The following CDH4 variants were observed in gnomAD, a reference collection of about 807,000 sequenced individuals.
CDH4 encodes the protein cadherin-4.
In CDH4, 33 loss-of-function variants were observed where a neutral mutation model predicts 86.0. The observed-to-expected ratio is 0.38, with a 90% CI of 0.29 to 0.51. The LOEUF (loss-of-function observed/expected upper bound fraction) is 0.51. CDH4 is among the 20% of genes least tolerant of loss of function. The pLI is 0.86. For missense variants in CDH4, 1,114 were observed against 1,307.4 expected (o/e 0.85, Z 2.28); for synonymous variants, 555 against 549.4 (o/e 1.01, Z -0.14).
At position 61,501,327 on chromosome 20, in the gene CDH4, C is replaced by T. The variant is rs1354769248; in HGVS notation, c.170-242236C>T. Among the ~76,000 whole-genome samples, 1 of 152,216 alleles carries T rather than the reference C, an allele frequency of 6.6e-6. No individual in the cohort carries two copies. The highest frequency in any genetic ancestry group is 1.5e-5 in the Non-Finnish European group (1 of 68,032). ...TATTGCCTCTGGCTTCCGTGCAGAA[C>T]AGCGGTTAGAGACGGGTGGAAAGAG... On this transcript the variant is annotated intron_variant, in intron 2 of 15. Coordinates refer to ENST00000614565, the MANE Select transcript of CDH4 (RefSeq NM_001794.5). The surrounding 1 kb of genome is among the most constrained non-coding windows in gnomAD (Gnocchi z 4.2).
At chr20:61,366,581 T>C (rs574037033) in intron 2 of CDH4, among the ~76,000 whole-genome samples, 1 of 152,340 alleles carries the variant, frequency 6.6e-6, no homozygotes, top group South Asian at 2.1e-4. Flanking sequence ...TAACTAAAAG[T>C]ACCCCTTATG....
chr20:61,620,373 T>C (rs903571803), intron 2 of CDH4, among the ~76,000 whole-genome samples: 1 of 151,678 alleles, frequency 6.6e-6, no homozygotes, highest in African/African-American at 2.4e-5. Flanking sequence ...GGATGATAGA[T>C]ACATGATAGA....
chr20:61,374,322 TGGAGGAAA>T (rs2084855260), intron 2 of CDH4, among the ~76,000 whole-genome samples: 1 of 152,154 alleles, frequency 6.6e-6, no homozygotes, highest in Non-Finnish European at 1.5e-5. Context: ...AGGTGATGAC[TGGAGGAAA>T]GGTGCAGTTT....
intron 2 of CDH4, among the ~76,000 whole-genome samples, chr20:61,338,291 G>GA (rs1000010599): frequency 2.0e-5 from 3 of 150,406 alleles, no homozygotes; most frequent in Non-Finnish European, 3.0e-5. Flanking sequence ...AAATTGAAGA[G>GA]AAAAAAAAAT....
intron 2 of CDH4, among the ~76,000 whole-genome samples, chr20:61,378,263 A>G (rs2084882773): frequency 2.0e-5 from 3 of 152,194 alleles, no homozygotes; most frequent in Admixed American, 2.0e-4. Context: ...TTAAAAGAAA[A>G]AAAAATTTAT....
At chr20:61,350,047 G>A (rs2123297851) in intron 2 of CDH4, among the ~76,000 whole-genome samples, 2 of 152,308 alleles carry the variant, frequency 1.3e-5, no homozygotes, top group South Asian at 2.1e-4. Context: ...CCGCCCTCCA[G>A]TGCCACAAGG....
At chr20:61,596,937 T>C (rs6121444) in intron 2 of CDH4, among the ~76,000 whole-genome samples, 9,007 of 152,232 alleles carry the variant, frequency 0.059, 491 homozygotes, top group African/African-American at 0.14. Flanking sequence ...CAGAAGCAAA[T>C]AATCATATTG....
chr20:61,710,959 C>G (rs373971246), intron 2 of CDH4, among the ~76,000 whole-genome samples: 1 of 152,178 alleles, frequency 6.6e-6, no homozygotes, highest in African/African-American at 2.4e-5. Context: ...CATAGGCATA[C>G]GACCTTACAG....
chr20:61,904,872 C>T lies in CDH4; in HGVS notation c.1189-5550C>T, dbSNP rs569137783. On this transcript the variant is annotated intron_variant, in intron 8 of 15. Coordinates refer to ENST00000614565, the MANE Select transcript of CDH4 (RefSeq NM_001794.5). ...GGGGCCTGGCCCTCTCGGCCCTGAC[C>T]GCCCACTGACATCATAAGGGAACAG... 9.2e-5 allele frequency among the ~76,000 whole-genome samples: 14 copies of T among 152,362 alleles called. No homozygotes were observed. The South Asian group carries it at 2.7e-3, about 29-fold the overall frequency.
chr20:61,326,186 C>T (rs989542109), intron 2 of CDH4, among the ~76,000 whole-genome samples: 3 of 152,120 alleles, frequency 2.0e-5, no homozygotes, highest in African/African-American at 7.2e-5. Context: ...GATATGCCAC[C>T]GTTTGCATAC....
chr20:61,332,284 G>A (rs532464786), intron 2 of CDH4, among the ~76,000 whole-genome samples: 1 of 152,326 alleles, frequency 6.6e-6, no homozygotes, highest in Admixed American at 6.5e-5. Flanking sequence ...GGGTGTCAAG[G>A]TCTCTGTGGC....
At chr20:61,405,494 G>A (rs1479773970) in intron 2 of CDH4, among the ~76,000 whole-genome samples, 7 of 151,892 alleles carry the variant, frequency 4.6e-5, no homozygotes, top group African/African-American at 1.2e-4. Flanking sequence ...ACAACGACGC[G>A]CTGTCACCGC....
intron 13 of CDH4, among the ~76,000 whole-genome samples, 166 bp downstream of exon 13, chr20:61,930,008 A>G (rs1402468833): frequency 1.3e-5 from 2 of 152,220 alleles, no homozygotes; most frequent in Non-Finnish European, 2.9e-5. Context: ...CCATATGACA[A>G]TGGGAAATTG....
Position 61,347,692 on chromosome 20 carries a change from G to A in CDH4, c.169+92755G>A, listed in dbSNP as rs554884389. Among the ~76,000 whole-genome samples the A allele has an allele frequency of 3.6e-4, 55 of 152,304 alleles. 1 individual carries two copies. Among genetic ancestry groups the A allele is most frequent in the African/African-American group, 1.3e-3 (54 of 41,574 alleles). On this transcript the variant is annotated intron_variant, in intron 2 of 15. Coordinates refer to ENST00000614565, the MANE Select transcript of CDH4 (RefSeq NM_001794.5). ...AGTCGGGAGATGTATATGCTTATCA[G>A]GCAAAATAAGCTGGCGGGGGCTGGT...
At position 61,417,190 on chromosome 20, in the gene CDH4, G is replaced by A. The variant is rs1305123261; in HGVS notation, c.169+162253G>A. Among the ~76,000 whole-genome samples, 1 of 152,116 alleles carries A rather than the reference G, an allele frequency of 6.6e-6. No individual in the cohort carries two copies. Among genetic ancestry groups the A allele is most frequent in the Non-Finnish European group, 1.5e-5 (1 of 68,034 alleles). Reference sequence around the variant, plus strand: ...AAAAGGACTCTGTTGGGGGCATGCAGTCCTGGTCTCCAAGAGACTCACTCT... The same window carrying A: ...AAAAGGACTCTGTTGGGGGCATGCAATCCTGGTCTCCAAGAGACTCACTCT... On this transcript the variant is annotated intron_variant, in intron 2 of 15. Transcript: ENST00000614565. This position sits in a 1 kb window ranked among gnomAD's most constrained non-coding sequence, Gnocchi z 4.0.
intron 2 of CDH4, among the ~76,000 whole-genome samples, chr20:61,455,019 G>T (rs6062158): frequency 0.025 from 3,829 of 152,164 alleles, 155 homozygotes; most frequent in African/African-American, 0.089. Context: ...ATAATTCAGT[G>T]GTTTCTAGTT....
rs949613260 is a variant in CDH4, at chr20:61,663,099, G to A, written c.170-80464G>A. Reference sequence around the variant, plus strand: ...AATGCTGCCCAGCGCAGGCAGTGTCGACATGAAGCAAACCATTGTTAAAAT... The same window carrying A: ...AATGCTGCCCAGCGCAGGCAGTGTCAACATGAAGCAAACCATTGTTAAAAT... On this transcript the variant is annotated intron_variant, in intron 2 of 15. Transcript: ENST00000614565. This position sits in a 1 kb window ranked among gnomAD's most constrained non-coding sequence, Gnocchi z 5.0. Among the ~76,000 whole-genome samples the A allele has an allele frequency of 2.6e-5, 4 of 152,184 alleles. No homozygotes were observed. The highest frequency in any genetic ancestry group is 4.4e-5 in the Non-Finnish European group (3 of 68,038).
chr20:61,258,781 A>C (rs148473292), intron 2 of CDH4, among the ~76,000 whole-genome samples: 3 of 152,214 alleles, frequency 2.0e-5, no homozygotes, highest in African/African-American at 7.2e-5. Flanking sequence ...CGTCACTGCA[A>C]ACTGGCTGCT....
intron 2 of CDH4, among the ~76,000 whole-genome samples, chr20:61,362,534 G>A (rs771402675): frequency 4.0e-5 from 6 of 151,406 alleles, no homozygotes; most frequent in East Asian, 1.9e-4. Context: ...CTAGGACAGC[G>A]TAGGGGAGAG....
Sources: gnomAD v4.1 joint callset for allele counts (sites outside exome capture counted in the v4.1 genomes callset) on GRCh38, gnomAD v4.1.1 for gene constraint, Gnocchi (gnomAD v3.1) non-coding constraint, MANE v1.5 for transcripts, NCBI Gene and HGNC (gene_info 2026-07-23, HGNC 2026-07-21) for gene names.